The following WDR83 variants were observed in gnomAD, a reference collection of about 807,000 sequenced individuals.
WDR83 encodes the protein WD repeat domain-containing protein 83.
In WDR83, 37 loss-of-function variants were observed where a neutral mutation model predicts 37.7. The ratio of observed to expected loss-of-function variants is 0.98; its 90% CI spans 0.76 to 1.29. WDR83 has a LOEUF of 1.29. Ranked by LOEUF, WDR83 falls within the 50% of genes most tolerant of loss-of-function variation. WDR83 has a pLI of 0.00. For synonymous variants in WDR83, 174 were observed against 181.1 expected, an observed-to-expected ratio of 0.96 and a Z score of 0.31; for missense variants, 445 against 414.4, an observed-to-expected ratio of 1.07 and a Z score of -0.64.
chr19:12,668,183 G>T, intron 1 of WDR83: 1 of 612,992 alleles, frequency 1.6e-6, no homozygotes, highest in Non-Finnish European at 2.9e-6. Context: ...GAGGCAGGAG[G>T]GGTAAGCCTA....
At position 12,669,778 on chromosome 19, in the gene WDR83, G is replaced by A. The variant is rs750264440; in HGVS notation, c.-13G>A. On this transcript the variant is annotated 5_prime_UTR_variant, in exon 3 of 11. Transcript: ENST00000418543. Reference sequence around the variant, plus strand: ...AGACCGATTTAAGGCTGCAAGGAAGGAGTCCTGGGAGCATGGCTTTCCCTG... The same window carrying A: ...AGACCGATTTAAGGCTGCAAGGAAGAAGTCCTGGGAGCATGGCTTTCCCTG... 9 of 1,575,452 alleles carry A rather than the reference G, an allele frequency of 5.7e-6. No homozygotes were observed. The Admixed American group carries it at 1.3e-4, about 23-fold the overall frequency.
chr19:12,675,499 C>T, intron 10 of WDR83, 24 bp from the exon 11 acceptor site: 3 of 1,598,666 alleles, frequency 1.9e-6, no homozygotes, highest in Non-Finnish European at 2.5e-6. Flanking sequence ...CACAGATAAC[C>T]ACTCCCTACC....
chr19:12,670,002 C>G lies in WDR83; in HGVS notation c.129C>G (p.Cys43Trp), dbSNP rs1599366791. Residue 43 changes from cysteine (C) to tryptophan (W), a missense_variant, in exon 4 of 11, where the codon TGC becomes TGG. Transcript: ENST00000418543. Reference protein sequence around the residue: ...FNVDGNYCLTCGSDKTLKLWN... With the variant: ...FNVDGNYCLTWGSDKTLKLWN... ...TGGATGGCAATTACTGCCTGACGTG[C>G]GGCAGTGACAAGACGCTGAAGCTGT... The G allele has an allele frequency of 1.9e-6, 3 of 1,611,952 alleles. No homozygotes were observed. Among genetic ancestry groups the G allele is most frequent in the Non-Finnish European group, 1.7e-6 (2 of 1,178,258 alleles).
At chr19:12,667,057 G>A in intron 1 of WDR83, 65 bp downstream of exon 1, 2 of 342,492 alleles carry the variant, frequency 5.8e-6, no homozygotes, top group South Asian at 6.2e-5. Context: ...GTGTCCATGG[G>A]AATCCAGGGT....
intron 10 of WDR83, 49 bp downstream of exon 10, chr19:12,673,365 A>C: frequency 7.5e-7 from 1 of 1,337,872 alleles, no homozygotes; most frequent in Non-Finnish European, 1.1e-6. Context: ...GCCCCATCTC[A>C]GCCCTGTCCT....
intron 1 of WDR83, 149 bp from the exon 2 acceptor site, chr19:12,668,359 T>C: frequency 6.2e-7 from 1 of 1,611,862 alleles, no homozygotes; most frequent in South Asian, 1.1e-5. Context: ...TAGGCTGGTA[T>C]CACCATGGGG....
Position 12,666,850 on chromosome 19 carries a change from T to G in WDR83, c.-299T>G. The stretch of plus-strand genomic sequence containing the variant: ...GGAGAGAGGCTGTAGCCCTGGGCAA[T>G]CCCGGGGGTCGTTACAGGAAGGTAG... On this transcript the variant is annotated 5_prime_UTR_variant, in exon 1 of 11. Coordinates refer to ENST00000418543, the MANE Select transcript of WDR83 (RefSeq NM_001099737.3). 1 of 738,842 alleles carries G rather than the reference T, an allele frequency of 1.4e-6. No individual in the cohort carries two copies. Among genetic ancestry groups the G allele is most frequent in the Non-Finnish European group, 2.1e-6 (1 of 466,428 alleles). 45.8% of individuals were successfully genotyped at this position (738,842 alleles called of 1,614,324 possible). A position where few individuals can be genotyped will look rare whatever the true frequency, so the allele number is the denominator to read the frequency against.
At chr19:12,674,602 G>A (rs1028476746) in intron 10 of WDR83, among the ~76,000 whole-genome samples, 4 of 152,218 alleles carry the variant, frequency 2.6e-5, no homozygotes, top group Non-Finnish European at 5.9e-5. Context: ...AGGAAGCATG[G>A]CTTGCTTGAG....
At position 12,670,029 on chromosome 19, in the gene WDR83, G is replaced by C; in HGVS notation, c.156G>C (p.Trp52Cys). ...TCGSDKTLKL[W>C]NPLRGTLLRT... is the part of the protein sequence containing the mutation. Reference sequence around the variant, plus strand: ...GCAGTGACAAGACGCTGAAGCTGTGGAACCCGCTTCGGGGGACGCTGCTGC... The same window carrying C: ...GCAGTGACAAGACGCTGAAGCTGTGCAACCCGCTTCGGGGGACGCTGCTGC... The change falls in exon 4 of 11, where the codon TGG (tryptophan) becomes TGC (cysteine). Residue 52 changes from tryptophan (W) to cysteine (C), a missense_variant. Trp to Cys is a radical substitution (Grantham distance 215). Coordinates refer to ENST00000418543, the MANE Select transcript of WDR83 (RefSeq NM_001099737.3). 1 of 1,613,390 alleles carries C rather than the reference G, an allele frequency of 6.2e-7. No individual in the cohort carries two copies. Among genetic ancestry groups the C allele is most frequent in the African/African-American group, 1.3e-5 (1 of 75,054 alleles).
intron 7 of WDR83, among the ~76,000 whole-genome samples, chr19:12,671,708 GTTTTT>G (rs575574289): frequency 1.3e-5 from 2 of 151,836 alleles, no homozygotes; most frequent in Admixed American, 6.6e-5. Context: ...AAGAATTTTT[GTTTTT>G]TTTGAGACGC....
intron 7 of WDR83, 166 bp downstream of exon 7, chr19:12,670,987 G>A: frequency 9.7e-7 from 1 of 1,026,480 alleles, no homozygotes; most frequent in South Asian, 1.6e-5. Context: ...AAGAGTTCGA[G>A]GCACCATTGC....
chr19:12,671,016 G>A, intron 7 of WDR83, 195 bp downstream of exon 7: 4 of 770,046 alleles, frequency 5.2e-6, no homozygotes, highest in Admixed American at 3.0e-5. Context: ...CTGGGTGAAA[G>A]ACAGACTGTC....
chr19:12,674,680 G>A (rs1392454754), intron 10 of WDR83, among the ~76,000 whole-genome samples: 1 of 152,144 alleles, frequency 6.6e-6, no homozygotes, highest in Non-Finnish European at 1.5e-5. Context: ...GGACAGGATG[G>A]AGCCCAGCTG....
Position 12,669,762 on chromosome 19 carries a change from T to A in WDR83, c.-29T>A, listed in dbSNP as rs2024355388. ...GCGGAATTTTCCGTACAGACCGATT[T>A]AAGGCTGCAAGGAAGGAGTCCTGGG... On this transcript the variant is annotated 5_prime_UTR_variant, in exon 3 of 11. Coordinates refer to ENST00000418543, the MANE Select transcript of WDR83 (RefSeq NM_001099737.3). 6.4e-7 allele frequency: 1 copy of A among 1,561,986 alleles called. No homozygotes were observed. The highest frequency in any genetic ancestry group is 1.2e-5 in the South Asian group (1 of 84,032).
At chr19:12,672,129 T>C (rs1368451123) in intron 7 of WDR83, 1 of 152,182 alleles carries the variant, frequency 6.6e-6, no homozygotes, top group Non-Finnish European at 1.5e-5. Context: ...CAGAAGAAAA[T>C]CCACATATAA....
rs1341827303 is a variant in WDR83 at position 12,667,886 on chromosome 19, TG to T, written c.-156-620del. ...GATTATCTAGGTCAGCAGGGCCATC[TG>T]GTGAGTTGCCAGAGGGCAGAAGTCA... On this transcript the variant is annotated intron_variant, in intron 1 of 10. Coordinates refer to ENST00000418543, the MANE Select transcript of WDR83 (RefSeq NM_001099737.3). Among the ~76,000 whole-genome samples the T allele has an allele frequency of 1.6e-4, 25 of 151,564 alleles. No homozygotes were observed. The East Asian group carries it at 4.9e-3, about 29-fold the overall frequency.
chr19:12,673,550 T>A (rs546362860), intron 10 of WDR83, among the ~76,000 whole-genome samples: 2 of 151,914 alleles, frequency 1.3e-5, no homozygotes, highest in African/African-American at 4.8e-5. Flanking sequence ...CCTGAGTAGT[T>A]GGGATTATAG....
At position 12,670,253 on chromosome 19, in the gene WDR83, C is replaced by A. The variant is rs1418999756; in HGVS notation, c.298C>A (p.Gln100Lys). 4 of 1,614,130 alleles carry A rather than the reference C, an allele frequency of 2.5e-6. No individual in the cohort carries two copies. The highest frequency in any genetic ancestry group is 3.4e-6 in the Non-Finnish European group (4 of 1,180,010). ...GGTTCTGTGGGATGTGGCATCAGGG[C>A]AGGTCGTGCGCAAATTCCGGGGCCA... ...AVVLWDVASG[Q>K]VVRKFRGHAG... The change falls in exon 5 of 11, where the codon CAG becomes AAG. Residue 100 changes from glutamine (Q) to lysine (K), a missense_variant. By Grantham distance (53) the Gln-to-Lys change is moderately conservative. Coordinates refer to ENST00000418543, the MANE Select transcript of WDR83 (RefSeq NM_001099737.3).
chr19:12,667,156 G>A (rs1255212128), intron 1 of WDR83, among the ~76,000 whole-genome samples, 164 bp downstream of exon 1: 2 of 152,178 alleles, frequency 1.3e-5, no homozygotes, highest in African/African-American at 4.8e-5. Context: ...ATACTGTGGG[G>A]ATTGGGACGT....
Sources: gnomAD v4.1 joint callset for allele counts (sites outside exome capture counted in the v4.1 genomes callset) on GRCh38, gnomAD v4.1.1 for gene constraint, MANE v1.5 for transcripts, NCBI Gene and HGNC (gene_info 2026-07-23, HGNC 2026-07-21) for gene names.